ELL: variants seen among roughly 807,000 people sequenced by gnomAD.
The protein encoded by ELL is RNA polymerase II elongation factor ELL.
ELL carries 18 observed loss-of-function variants against 64.0 expected under a neutral mutation model. The observed-to-expected ratio is 0.28, with a 90% CI of 0.19 to 0.42. The LOEUF is 0.42. Ranked by LOEUF, ELL falls within the 10% of genes least tolerant of loss-of-function variation. ELL has a pLI of 1.00. For synonymous variants in ELL, 399 were observed against 376.2 expected (o/e 1.06, Z -0.70); for missense variants, 797 against 870.4 (o/e 0.92, Z 1.06).
Position 18,481,743 on chromosome 19 carries a change from G to A in ELL, c.136-8861C>T, listed in dbSNP as rs368867400. Among the ~76,000 whole-genome samples, 120 of 152,280 alleles carry A rather than the reference G, an allele frequency of 7.9e-4. 1 individual carries two copies. In the South Asian group the frequency reaches 0.023, roughly 30 times the overall value. On this transcript the variant is annotated intron_variant, in intron 1 of 11. Transcript: ENST00000262809. Reference sequence around the variant, plus strand: ...CGCAGTATAAATACGCCACCTTCCCGTGCATCCATTTGCTGGATGAAGGAC... The same window carrying A: ...CGCAGTATAAATACGCCACCTTCCCATGCATCCATTTGCTGGATGAAGGAC...
rs1252584916 is a variant in ELL at position 18,443,015 on chromosome 19, C to A, written c.*1737G>T. The A allele has an allele frequency of 3.9e-5, 9 of 232,218 alleles. No homozygotes were observed. The highest frequency in any genetic ancestry group is 6.6e-5 in the African/African-American group (3 of 45,252). 14.4% of individuals were successfully genotyped at this position (232,218 alleles called of 1,614,324 possible). On this transcript the variant is annotated 3_prime_UTR_variant, in exon 12 of 12. Transcript: ENST00000262809. Reference sequence around the variant, plus strand: ...TAAACAACAAAAACAACAACAACAACAAAAAGGCAAATTCAACTGACAGCC... The same window carrying A: ...TAAACAACAAAAACAACAACAACAAAAAAAAGGCAAATTCAACTGACAGCC...
intron 1 of ELL, among the ~76,000 whole-genome samples, chr19:18,484,623 G>C (rs1480484958): frequency 6.6e-6 from 1 of 152,184 alleles, no homozygotes; most frequent in Non-Finnish European, 1.5e-5. Context: ...AGGGGTGACA[G>C]AGAGAGATAC....
chr19:18,454,492 C>T (rs1227733372), intron 6 of ELL, among the ~76,000 whole-genome samples: 2 of 151,318 alleles, frequency 1.3e-5, no homozygotes, highest in South Asian at 2.1e-4. Context: ...AGCAAGACTC[C>T]GTCTCAAAAT....
chr19:18,495,110 A>C (rs1300230624), intron 1 of ELL, among the ~76,000 whole-genome samples: 4 of 152,202 alleles, frequency 2.6e-5, no homozygotes, highest in African/African-American at 9.6e-5. Flanking sequence ...CAAATGTTGG[A>C]GTAGACAAAA....
At chr19:18,509,923 A>G (rs543321760) in intron 1 of ELL, among the ~76,000 whole-genome samples, 27 of 152,342 alleles carry the variant, frequency 1.8e-4, no homozygotes, top group Non-Finnish European at 5.9e-5. Flanking sequence ...AAAAGGGCTA[A>G]AAATAGAGAT....
chr19:18,479,314 C>T (rs561647149), intron 1 of ELL, among the ~76,000 whole-genome samples: 2 of 152,160 alleles, frequency 1.3e-5, no homozygotes, highest in Non-Finnish European at 1.5e-5. Flanking sequence ...CCACGGGAAG[C>T]GACCATCAGA....
intron 6 of ELL, among the ~76,000 whole-genome samples, chr19:18,452,706 G>A (rs2144897443): frequency 6.6e-6 from 1 of 152,350 alleles, no homozygotes; most frequent in African/African-American, 2.4e-5. Context: ...GCCCAGGGCT[G>A]TCAGGCAGCA....
chr19:18,494,187 A>T (rs1975595230), intron 1 of ELL, among the ~76,000 whole-genome samples: 1 of 150,872 alleles, frequency 6.6e-6, no homozygotes, highest in African/African-American at 2.4e-5. Context: ...TGATCAAGCT[A>T]CTCCACTCCA....
At chr19:18,451,433 C>A in intron 7 of ELL, 119 bp downstream of exon 7, 1 of 986,860 alleles carries the variant, frequency 1.0e-6, no homozygotes, top group Non-Finnish European at 1.4e-6. Context: ...AGGGAGGCGG[C>A]TCAACTTGGA....
intron 6 of ELL, among the ~76,000 whole-genome samples, chr19:18,451,890 A>AGGTG (rs1600428296): frequency 6.6e-6 from 1 of 152,196 alleles, no homozygotes; most frequent in Non-Finnish European, 1.5e-5. Flanking sequence ...CACTTTGTGT[A>AGGTG]GGTGCCTGCT....
intron 2 of ELL, among the ~76,000 whole-genome samples, chr19:18,470,151 TAGA>T (rs1480246978): frequency 1.3e-5 from 2 of 152,344 alleles, no homozygotes; most frequent in East Asian, 3.9e-4. Context: ...ACCCTGTCTC[TAGA>T]AGGAGGTTAG....
intron 6 of ELL, 40 bp downstream of exon 6, chr19:18,458,165 T>C (rs760236717): frequency 1.9e-6 from 3 of 1,600,346 alleles, no homozygotes; most frequent in South Asian, 1.1e-5. Flanking sequence ...GCTGCCTTCA[T>C]GCGGGTGGGG....
chr19:18,480,719 C>T (rs1473480507), intron 1 of ELL, among the ~76,000 whole-genome samples: 1 of 152,188 alleles, frequency 6.6e-6, no homozygotes, highest in East Asian at 1.9e-4. Context: ...ACTGCAGCTT[C>T]GACCTTCTAG....
rs1974633312 is a variant in ELL at position 18,455,132 on chromosome 19, G to A, written c.869+3073C>T. ...CTCCAGGTTGGGCGATAGGGTGAGA[G>A]TCCCTCTCCAAAAAAAAAAAAAAAG... On this transcript the variant is annotated intron_variant, in intron 6 of 11. Coordinates refer to ENST00000262809, the MANE Select transcript of ELL (RefSeq NM_006532.4). Among the ~76,000 whole-genome samples, 5 of 126,126 alleles carry A rather than the reference G, an allele frequency of 4.0e-5. No individual in the cohort carries two copies. The Admixed American group carries it at 4.0e-4, about 10-fold the overall frequency. The allele number at this position is 126,126 out of a possible 152,430, so 82.7% of individuals were successfully genotyped here.
chr19:18,512,452 A>AT (rs1976045239), intron 1 of ELL, among the ~76,000 whole-genome samples: 1 of 152,206 alleles, frequency 6.6e-6, no homozygotes, highest in Non-Finnish European at 1.5e-5. Flanking sequence ...ACCCTGGGCA[A>AT]CATGGTGAAA....
At chr19:18,459,621 G>A (rs374358485) in intron 5 of ELL, among the ~76,000 whole-genome samples, 3 of 150,970 alleles carry the variant, frequency 2.0e-5, no homozygotes, top group African/African-American at 7.3e-5. Context: ...CCGGGTTCAC[G>A]CCATTCTCCA....
At chr19:18,515,977 A>G (rs1032399933) in intron 1 of ELL, among the ~76,000 whole-genome samples, 7 of 152,188 alleles carry the variant, frequency 4.6e-5, no homozygotes, top group African/African-American at 1.7e-4. Context: ...ATGGGGGTCT[A>G]GCCCAGGGCC....
At chr19:18,467,006 G>A (rs1974952120) in intron 2 of ELL, among the ~76,000 whole-genome samples, 1 of 152,180 alleles carries the variant, frequency 6.6e-6, no homozygotes, top group African/African-American at 2.4e-5. Flanking sequence ...ACAGGACGGG[G>A]CTCCTGCCAC....
At chr19:18,468,972 C>T (rs1568384197) in intron 2 of ELL, among the ~76,000 whole-genome samples, 2 of 152,212 alleles carry the variant, frequency 1.3e-5, no homozygotes, top group Non-Finnish European at 2.9e-5. Flanking sequence ...TTCATAGTGG[C>T]CCTTCACCCT....
Sources: allele counts gnomAD v4.1 joint callset (sites outside exome capture counted in the v4.1 genomes callset), GRCh38; gene constraint gnomAD v4.1.1; transcripts MANE v1.5; gene names NCBI Gene and HGNC (gene_info 2026-07-23, HGNC 2026-07-21).